Variants in USP20 observed in about 807,000 individuals in gnomAD.
The protein encoded by USP20 is ubiquitin carboxyl-terminal hydrolase 20.
In USP20, 80 loss-of-function variants were observed where a neutral mutation model predicts 124.2. That is an observed-to-expected ratio of 0.64 (90% CI 0.54 to 0.78). USP20 has a LOEUF of 0.78. Among genes scored for constraint, USP20 ranks in the 30% least tolerant of loss-of-function variants. The probability of loss-of-function intolerance (pLI) is 0.00; values close to 1 mark genes in which losing one functional copy is unlikely to be tolerated. For synonymous variants in USP20, 481 were observed against 512.3 expected, an observed-to-expected ratio of 0.94 and a Z score of 0.83; for missense variants, 1,043 against 1,244.4, an observed-to-expected ratio of 0.84 and a Z score of 2.44.
At chr9:129,851,992 C>T (rs2032946024) in intron 2 of USP20, among the ~76,000 whole-genome samples, 1 of 147,148 alleles carries the variant, frequency 6.8e-6, no homozygotes, top group Non-Finnish European at 1.5e-5. Flanking sequence ...GTTCAAACCT[C>T]ACTCCGCAGG....
intron 5 of USP20, 136 bp from the exon 6 acceptor site, chr9:129,858,331 A>G: frequency 3.7e-6 from 5 of 1,345,342 alleles, no homozygotes; most frequent in Non-Finnish European, 5.2e-6. Flanking sequence ...GGGGGTGGGT[A>G]AGCAAAATTT....
intron 6 of USP20, 45 bp from the exon 7 acceptor site, chr9:129,860,892 A>C: frequency 6.3e-7 from 1 of 1,597,678 alleles, no homozygotes; most frequent in Non-Finnish European, 8.6e-7. Context: ...CTCTGACCCC[A>C]GCCCCTCTGT....
At chr9:129,837,803 A>G (rs1322007897) in intron 1 of USP20, among the ~76,000 whole-genome samples, 1 of 152,218 alleles carries the variant, frequency 6.6e-6, no homozygotes, top group Non-Finnish European at 1.5e-5. Flanking sequence ...ATTGAATGAT[A>G]GGCCTTGGGT....
intron 22 of USP20, 22 bp downstream of exon 22, chr9:129,876,260 G>A (rs747213315): frequency 1.6e-5 from 25 of 1,586,726 alleles, no homozygotes; most frequent in East Asian, 1.4e-4. Context: ...GAGGCGGCGC[G>A]GGGGCGGCTC....
At chr9:129,856,134 C>G (rs376122988) in intron 3 of USP20, among the ~76,000 whole-genome samples, 173 bp from the exon 4 acceptor site, 5 of 152,212 alleles carry the variant, frequency 3.3e-5, no homozygotes, top group African/African-American at 9.6e-5. Flanking sequence ...CCCCTGGGAG[C>G]CTAATTTGGA....
chr9:129,878,849 A>G (rs1454640507), intron 23 of USP20, among the ~76,000 whole-genome samples: 2 of 152,240 alleles, frequency 1.3e-5, no homozygotes, highest in Non-Finnish European at 1.5e-5. Context: ...AGCAGAACCA[A>G]GCCATGGAAG....
intron 15 of USP20, among the ~76,000 whole-genome samples, chr9:129,871,061 G>A (rs1017509701): frequency 1.3e-5 from 2 of 151,998 alleles, no homozygotes; most frequent in African/African-American, 4.8e-5. Context: ...TTAACAGAAA[G>A]TGCACAGTCG....
At chr9:129,846,230 T>C (rs1213816703) in intron 1 of USP20, among the ~76,000 whole-genome samples, 4 of 49,362 alleles carry the variant, frequency 8.1e-5, no homozygotes, top group Non-Finnish European at 1.0e-4. Flanking sequence ...CGCCCAGCCA[T>C]ATATATATAT....
In USP20 at chr9:129,875,446, A is replaced by C. The variant is rs752852931; in HGVS notation, c.2185A>C (p.Ile729Leu). 2.5e-5 allele frequency: 41 copies of C among 1,613,462 alleles called. No individual in the cohort carries two copies. Among genetic ancestry groups the C allele is most frequent in the Non-Finnish European group, 3.3e-5 (39 of 1,179,858 alleles). ...KFNTFAEPGPITNQTFLCSHG... is the reference protein window; with the variant it reads ...KFNTFAEPGPLTNQTFLCSHG... ...CAACACCTTCGCGGAGCCAGGCCCCATCACCAACCAGACCTTCCTCTGCTC... is the reference window on the plus strand; with the variant it reads ...CAACACCTTCGCGGAGCCAGGCCCCCTCACCAACCAGACCTTCCTCTGCTC... The change falls in exon 20 of 26, where the codon ATC (isoleucine) becomes CTC (leucine). Residue 729 changes from isoleucine to leucine, a missense_variant. Transcript: ENST00000372429.
intron 3 of USP20, 138 bp from the exon 4 acceptor site, chr9:129,856,169 T>C (rs1018093931): frequency 4.9e-6 from 4 of 823,190 alleles, no homozygotes; most frequent in Non-Finnish European, 8.1e-6. Context: ...AAGGCCTTTC[T>C]GGGGCCAGGG....
intron 3 of USP20, among the ~76,000 whole-genome samples, chr9:129,854,285 A>G (rs7048514): frequency 0.88 from 133,363 of 152,192 alleles, 58,835 homozygotes; most frequent in East Asian, 1. Context: ...CCAGTTATAA[A>G]CATATGATAC....
chr9:129,862,144 G>T (rs1040507044), intron 8 of USP20, among the ~76,000 whole-genome samples: 1 of 152,198 alleles, frequency 6.6e-6, no homozygotes, highest in Admixed American at 6.5e-5. Context: ...ATATGTATGC[G>T]GGAAGCAGAG....
chr9:129,868,783 G>A (rs372125380), intron 11 of USP20, 79 bp from the exon 12 acceptor site: 3 of 1,497,300 alleles, frequency 2.0e-6, no homozygotes, highest in Admixed American at 2.2e-5. Flanking sequence ...TTTAGGAGGG[G>A]CTGGCAGGTC....
chr9:129,846,320 A>G (rs987381989), intron 1 of USP20, among the ~76,000 whole-genome samples: 2 of 122,548 alleles, frequency 1.6e-5, no homozygotes, highest in African/African-American at 6.3e-5. Context: ...CAGTGGTGCC[A>G]TCATAGCTCA....
rs745311962 is a variant in USP20 at position 129,876,201 on chromosome 9, C to T, written c.2372C>T (p.Ala791Val). The T allele has an allele frequency of 1.2e-6, 2 of 1,611,698 alleles. No individual in the cohort carries two copies. Among genetic ancestry groups the T allele is most frequent in the South Asian group, 2.2e-5 (2 of 90,918 alleles). Residue 791 changes from alanine to valine, a missense_variant, in exon 22 of 26, where the codon GCC becomes GTC. Ala to Val is a moderately conservative substitution (Grantham distance 64). Transcript: ENST00000372429. ...TGCCAGGTGGAGATCGAGGCACTGGCCAAGCGCAGGAGGATCGAGATCGAC... is the reference window on the plus strand; with the variant it reads ...TGCCAGGTGGAGATCGAGGCACTGGTCAAGCGCAGGAGGATCGAGATCGAC... ...SICQVEIEAL[A>V]KRRRIEIDTF... is the part of the protein sequence containing the mutation.
At position 129,879,573 on chromosome 9, in the gene USP20, A is replaced by AGCCCCCCGG. The variant is rs1341349144; in HGVS notation, c.2518_2526dup (p.Pro840_Pro842dup). On this transcript the variant is annotated inframe_insertion and splice_region_variant, in exon 24 of 26. Coordinates refer to ENST00000372429, the MANE Select transcript of USP20 (RefSeq NM_001110303.4). The surrounding 1 kb of genome is among the most constrained non-coding windows in gnomAD (Gnocchi z 4.2). ...CCCGAGCCCGCTGTGTCTGTTGCAG[A>AGCCCCCCGG]GCCCCCCGGGCCCATTGACAACAGC... 1.9e-6 allele frequency: 3 copies of AGCCCCCCGG among 1,613,384 alleles called. No homozygotes were observed. The highest frequency in any genetic ancestry group is 1.3e-5 in the African/African-American group (1 of 75,018).
chr9:129,851,987 A>G (rs1168210079), intron 2 of USP20, among the ~76,000 whole-genome samples: 1 of 148,074 alleles, frequency 6.8e-6, no homozygotes, highest in Non-Finnish European at 1.5e-5. Context: ...CTGGTGTTCA[A>G]ACCTCACTCC....
At chr9:129,862,202 A>G (rs1339893426) in intron 8 of USP20, among the ~76,000 whole-genome samples, 3 of 152,218 alleles carry the variant, frequency 2.0e-5, no homozygotes, top group Non-Finnish European at 4.4e-5. Flanking sequence ...CTATGTCCCA[A>G]AATGTTCCTA....
At chr9:129,850,200 T>G (rs1412497927) in intron 2 of USP20, among the ~76,000 whole-genome samples, 97 of 152,186 alleles carry the variant, frequency 6.4e-4, no homozygotes, top group Non-Finnish European at 2.9e-5. Flanking sequence ...TTATATAGTT[T>G]GGTCTACTTT....
Sources: allele counts gnomAD v4.1 joint callset (sites outside exome capture counted in the v4.1 genomes callset), GRCh38; gene constraint gnomAD v4.1.1; non-coding constraint Gnocchi (gnomAD v3.1); transcripts MANE v1.5; gene names NCBI Gene and HGNC (gene_info 2026-07-23, HGNC 2026-07-21).